The following ADAMTSL1 variants were observed in gnomAD, a reference collection of about 807,000 sequenced individuals.
ADAMTSL1 encodes the protein ADAMTS-like protein 1.
A neutral mutation model predicts 201.8 loss-of-function variants in ADAMTSL1; 126 were observed. The observed-to-expected ratio is 0.62, with a 90% CI of 0.54 to 0.72. The LOEUF is 0.72. Ranked by LOEUF, ADAMTSL1 falls within the 30% of genes least tolerant of loss-of-function variation. ADAMTSL1 has a pLI of 0.00. For synonymous variants in ADAMTSL1, 1,121 were observed against 903.4 expected, an observed-to-expected ratio of 1.24 and a Z score of -4.32; for missense variants, 2,679 against 2,277.8, an observed-to-expected ratio of 1.18 and a Z score of -3.59.
At chr9:18,315,660 G>A (rs574054121) in intron 2 of ADAMTSL1, among the ~76,000 whole-genome samples, 6 of 152,266 alleles carry the variant, frequency 3.9e-5, no homozygotes, top group East Asian at 1.9e-4. Context: ...CCTGGAACTC[G>A]CGCTGGCCCA....
intron 2 of ADAMTSL1, among the ~76,000 whole-genome samples, chr9:18,392,018 G>T (rs1392697368): frequency 6.6e-6 from 1 of 151,566 alleles, no homozygotes; most frequent in Admixed American, 6.6e-5. Flanking sequence ...AGAGACCGGG[G>T]TTTCACCATG....
Position 18,794,404 on chromosome 9 carries a change from CA to C in ADAMTSL1, c.3678-981del, listed in dbSNP as rs758582204. Among the ~76,000 whole-genome samples, 188 of 94,206 alleles carry C rather than the reference CA, an allele frequency of 2.0e-3. 3 individuals are homozygous for C. The highest frequency in any genetic ancestry group is 5.7e-3 in the African/African-American group (151 of 26,350). 61.8% of individuals were successfully genotyped at this position (94,206 alleles called of 152,430 possible). Reference sequence around the variant, plus strand: ...TGGGTGACAGAGCAAGACCCTGTCTCAAAAAAAAAAAACAAAAACAAAAACA... The same window carrying C: ...TGGGTGACAGAGCAAGACCCTGTCTCAAAAAAAAAAACAAAAACAAAAACA... On this transcript the variant is annotated intron_variant, in intron 19 of 28. Coordinates refer to ENST00000380548, the MANE Select transcript of ADAMTSL1 (RefSeq NM_001040272.6).
intron 1 of ADAMTSL1, among the ~76,000 whole-genome samples, chr9:18,059,621 C>T (rs1366960776): frequency 1.3e-5 from 2 of 152,142 alleles, no homozygotes; most frequent in Non-Finnish European, 2.9e-5. Context: ...CTTGTACACA[C>T]ATACCACTAG....
chr9:18,756,348 T>A (rs1179451369), intron 16 of ADAMTSL1, among the ~76,000 whole-genome samples: 1 of 143,490 alleles, frequency 7.0e-6, no homozygotes, highest in African/African-American at 2.6e-5. Flanking sequence ...GAGTAAACAA[T>A]AAACTATTTG....
intron 1 of ADAMTSL1, among the ~76,000 whole-genome samples, chr9:17,970,102 C>G: frequency 6.6e-6 from 1 of 151,980 alleles, no homozygotes; most frequent in Non-Finnish European, 1.5e-5. Flanking sequence ...GGTATTAACA[C>G]TGATATTTTC....
At chr9:18,272,408 A>G (rs1832410438) in intron 2 of ADAMTSL1, among the ~76,000 whole-genome samples, 1 of 152,246 alleles carries the variant, frequency 6.6e-6, no homozygotes, top group African/African-American at 2.4e-5. Context: ...AGCTATACGT[A>G]GAAAGCTGAA....
intron 4 of ADAMTSL1, among the ~76,000 whole-genome samples, chr9:18,607,352 C>G (rs191779218): frequency 1.3e-5 from 2 of 152,108 alleles, no homozygotes; most frequent in African/African-American, 2.4e-5. Flanking sequence ...CCATAAAATT[C>G]GTGGTCAAAT....
chr9:18,294,260 G>GT (rs1005615545), intron 2 of ADAMTSL1, among the ~76,000 whole-genome samples: 5 of 152,200 alleles, frequency 3.3e-5, no homozygotes, highest in African/African-American at 7.2e-5. Flanking sequence ...TAGCAGGAGT[G>GT]TATTTATAAA....
intron 1 of ADAMTSL1, among the ~76,000 whole-genome samples, chr9:18,020,557 T>G (rs1820438338): frequency 6.6e-6 from 1 of 152,028 alleles, no homozygotes; most frequent in South Asian, 2.1e-4. Context: ...GAAGTGCCAC[T>G]CTTTAAAACC....
chr9:18,901,050 T>C (rs895069394), intron 26 of ADAMTSL1, among the ~76,000 whole-genome samples: 3 of 152,098 alleles, frequency 2.0e-5, no homozygotes, highest in Admixed American at 1.3e-4. Flanking sequence ...TCCTCTATGA[T>C]TGTAAGCTTC....
intron 4 of ADAMTSL1, among the ~76,000 whole-genome samples, chr9:18,594,921 AG>A (rs1202744959): frequency 1.3e-5 from 2 of 152,098 alleles, no homozygotes; most frequent in African/African-American, 4.8e-5. Flanking sequence ...TATTCTTCAA[AG>A]GGTGGTTTTC....
chr9:18,182,973 G>C (rs921433557), intron 2 of ADAMTSL1, among the ~76,000 whole-genome samples: 5 of 152,176 alleles, frequency 3.3e-5, no homozygotes, highest in African/African-American at 9.7e-5. Context: ...CATATAGCTA[G>C]TAATAAGGTG....
chr9:18,725,169 G>A (rs550356145), intron 15 of ADAMTSL1, among the ~76,000 whole-genome samples: 4 of 152,252 alleles, frequency 2.6e-5, no homozygotes, highest in East Asian at 3.9e-4. Context: ...GCCTCCCAAA[G>A]TGCTGGGATT....
intron 1 of ADAMTSL1, among the ~76,000 whole-genome samples, chr9:18,099,023 A>G (rs943880784): frequency 6.6e-6 from 1 of 151,560 alleles, no homozygotes; most frequent in Admixed American, 6.6e-5. Context: ...TTTATCATTT[A>G]CGGTGGGAGG....
At chr9:18,760,539 A>G (rs1007808331) in intron 16 of ADAMTSL1, among the ~76,000 whole-genome samples, 2 of 152,094 alleles carry the variant, frequency 1.3e-5, no homozygotes. Context: ...ACCTATTAAT[A>G]CCTCACAAAG....
chr9:18,445,017 T>A (rs567988075), intron 2 of ADAMTSL1, among the ~76,000 whole-genome samples: 5 of 152,090 alleles, frequency 3.3e-5, no homozygotes, highest in Admixed American at 2.6e-4. Flanking sequence ...TAAGGTCAAA[T>A]AGAATGTTAT....
chr9:18,595,136 G>C (rs1824180449), intron 4 of ADAMTSL1, among the ~76,000 whole-genome samples: 1 of 152,144 alleles, frequency 6.6e-6, no homozygotes, highest in South Asian at 2.1e-4. Flanking sequence ...GAGAGTAATA[G>C]GGCTATGTGG....
chr9:18,412,234 C>A (rs1166616768), intron 2 of ADAMTSL1, among the ~76,000 whole-genome samples: 1 of 152,178 alleles, frequency 6.6e-6, no homozygotes, highest in Non-Finnish European at 1.5e-5. Flanking sequence ...ATAAGTGGAA[C>A]TGTGCTTTTC....
intron 7 of ADAMTSL1, among the ~76,000 whole-genome samples, chr9:18,649,008 A>G (rs1456596749): frequency 1.3e-5 from 2 of 152,074 alleles, no homozygotes; most frequent in African/African-American, 2.4e-5. Flanking sequence ...CATTCTCCCC[A>G]TCACTTTCAG....
Sources: gnomAD v4.1 joint callset for allele counts (sites outside exome capture counted in the v4.1 genomes callset) on GRCh38, gnomAD v4.1.1 for gene constraint, MANE v1.5 for transcripts, NCBI Gene and HGNC (gene_info 2026-07-23, HGNC 2026-07-21) for gene names.